ZNF385C: variants seen among roughly 807,000 people sequenced by gnomAD.
ZNF385C encodes CTD-2132N18.2.
In ZNF385C, 28 loss-of-function variants were observed where a neutral mutation model predicts 35.4. That is an observed-to-expected ratio of 0.79 (90% CI 0.59 to 1.08). ZNF385C has a LOEUF of 1.08. ZNF385C is among the 50% of genes least tolerant of loss of function. The pLI is 0.00. For synonymous variants in ZNF385C, 248 were observed against 248.2 expected (o/e 1.00, Z 0.01); for missense variants, 605 against 595.6 (o/e 1.02, Z -0.16).
intron 2 of ZNF385C, among the ~76,000 whole-genome samples, chr17:42,054,807 C>T (rs1334053841): frequency 6.6e-6 from 1 of 152,082 alleles, no homozygotes; most frequent in Non-Finnish European, 1.5e-5. Context: ...ATCTCGAACT[C>T]CTGACCTCAA....
chr17:42,061,158 G>A (rs1342468385), intron 2 of ZNF385C: 1 of 149,172 alleles, frequency 6.7e-6, no homozygotes, highest in African/African-American at 2.5e-5. Flanking sequence ...CCCAAAAGCA[G>A]CTTACACCTA....
At chr17:42,045,433 T>G (rs1465608636) in intron 2 of ZNF385C, among the ~76,000 whole-genome samples, 1 of 152,264 alleles carries the variant, frequency 6.6e-6, no homozygotes, top group African/African-American at 2.4e-5. Context: ...GAATGTGAAC[T>G]GAGGCCCTGT....
At chr17:42,094,168 A>G (rs782636806) in intron 1 of ZNF385C, among the ~76,000 whole-genome samples, 1 of 152,044 alleles carries the variant, frequency 6.6e-6, no homozygotes, top group Admixed American at 6.6e-5. Flanking sequence ...TTTTTAGTAG[A>G]GACGGGGGTT....
intron 2 of ZNF385C, among the ~76,000 whole-genome samples, chr17:42,056,329 T>A (rs1362628207): frequency 6.6e-6 from 1 of 152,186 alleles, no homozygotes; most frequent in East Asian, 1.9e-4. Flanking sequence ...GTCCCGAGCA[T>A]TTGTGGAATC....
chr17:42,071,100 C>A lies in ZNF385C; in HGVS notation c.-2-8042G>T, dbSNP rs73986514. Among the ~76,000 whole-genome samples the A allele has an allele frequency of 8.0e-3, 1,225 of 152,310 alleles. 14 individuals are homozygous for A. The highest frequency in any genetic ancestry group is 0.027 in the African/African-American group (1,137 of 41,566). On this transcript the variant is annotated intron_variant, in intron 1 of 8. Coordinates refer to ENST00000692273, the MANE Select transcript of ZNF385C (RefSeq NM_001392013.1). ...AGGAGTCACCTGCGCCAGACCCCAG[C>A]ACATACACCCCTGCTTTGCCAGAAC...
At chr17:42,043,673 T>C (rs185124156) in intron 2 of ZNF385C, 1 of 266,084 alleles carries the variant, frequency 3.8e-6, no homozygotes, top group Admixed American at 5.4e-5. Context: ...AGCTGAGGGG[T>C]GGAGGGACTC....
Position 42,029,018 on chromosome 17 carries a change from A to G in ZNF385C, c.732T>C (p.Pro244=). Reference sequence around the variant, plus strand: ...CTGAGTGGGCTGGCTCCCTGCATGTAGGGTCTGGAGTTGGTGGTGGCTGGA... The same window carrying G: ...CTGAGTGGGCTGGCTCCCTGCATGTGGGGTCTGGAGTTGGTGGTGGCTGGA... ...PPLQPPPTPD[P]TCREPAHSEL... The change falls in exon 6 of 9, where the codon CCT becomes CCC. Residue 244 remains proline (P), a synonymous_variant. Transcript: ENST00000692273. 1 of 1,550,390 alleles carries G rather than the reference A, an allele frequency of 6.4e-7. No homozygotes were observed. The highest frequency in any genetic ancestry group is 1.2e-5 in the South Asian group (1 of 84,060).
intron 4 of ZNF385C, among the ~76,000 whole-genome samples, chr17:42,033,545 G>A (rs1182077209): frequency 1.3e-5 from 2 of 152,184 alleles, no homozygotes; most frequent in Admixed American, 6.5e-5. Context: ...GAGCCCAGGA[G>A]TTCGAGACCA....
chr17:42,088,211 G>T (rs2053829326), intron 1 of ZNF385C, among the ~76,000 whole-genome samples: 1 of 152,234 alleles, frequency 6.6e-6, no homozygotes, highest in African/African-American at 2.4e-5. Flanking sequence ...CTGGGAGGTT[G>T]GGACTGAGAT....
At chr17:42,029,194 C>T in intron 5 of ZNF385C, 121 bp from the exon 6 acceptor site, 1 of 1,198,964 alleles carries the variant, frequency 8.3e-7, no homozygotes, top group Non-Finnish European at 1.1e-6. Flanking sequence ...ATTCCAGGCC[C>T]CACTTTTCTA....
chr17:42,087,860 T>C (rs1555660226), intron 1 of ZNF385C, among the ~76,000 whole-genome samples: 7 of 152,332 alleles, frequency 4.6e-5, no homozygotes, highest in African/African-American at 1.7e-4. Flanking sequence ...ACCAATATAC[T>C]GTTACAGCCA....
intron 2 of ZNF385C, among the ~76,000 whole-genome samples, chr17:42,049,925 C>T (rs1387376131): frequency 6.6e-6 from 1 of 152,210 alleles, no homozygotes; most frequent in African/African-American, 2.4e-5. Context: ...TGGCTAGTGG[C>T]TATTGCATTG....
rs1397885822 is a variant in ZNF385C at position 42,026,725 on chromosome 17, G to A, written c.*172C>T. ...TGGAAGGCCTGCGAAAGGAGGGTGG[G>A]GACAGTCCTTGGAAGGCAGCTGCCC... On this transcript the variant is annotated 3_prime_UTR_variant, in exon 9 of 9. Transcript: ENST00000692273. 1 of 695,924 alleles carries A rather than the reference G, an allele frequency of 1.4e-6. No homozygotes were observed. Among genetic ancestry groups the A allele is most frequent in the Non-Finnish European group, 2.5e-6 (1 of 392,260 alleles). 43.1% of individuals were successfully genotyped at this position (695,924 alleles called of 1,614,324 possible).
intron 1 of ZNF385C, among the ~76,000 whole-genome samples, chr17:42,094,040 A>G (rs1331959885): frequency 2.0e-5 from 3 of 151,246 alleles, no homozygotes; most frequent in Non-Finnish European, 2.9e-5. Context: ...CTGGAGTGCA[A>G]TGGCGCAATC....
chr17:42,049,075 C>G lies in ZNF385C; in HGVS notation c.251-11190G>C, dbSNP rs371419684. Among the ~76,000 whole-genome samples the G allele has an allele frequency of 2.0e-4, 30 of 152,312 alleles. No homozygotes were observed. The East Asian group carries it at 4.6e-3, about 24-fold the overall frequency. On this transcript the variant is annotated intron_variant, in intron 2 of 8. Transcript: ENST00000692273. ...ACCTCTCTGGTGGCCACTTGTGTCT[C>G]CCTTCCTTCCTAGTAACACCACCCT...
chr17:42,096,478 C>T (rs2053919050), intron 1 of ZNF385C, among the ~76,000 whole-genome samples: 1 of 152,216 alleles, frequency 6.6e-6, no homozygotes, highest in Non-Finnish European at 1.5e-5. Flanking sequence ...ATGGGCACTC[C>T]CTCCCTTGCC....
chr17:42,039,432 A>T, intron 2 of ZNF385C: 2 of 343,332 alleles, frequency 5.8e-6, no homozygotes. Context: ...GCTACTCCTC[A>T]TCTAACTGTG....
Position 42,025,729 on chromosome 17 carries a change from TC to T in ZNF385C, c.*1167del, listed in dbSNP as rs1260124153. On this transcript the variant is annotated 3_prime_UTR_variant, in exon 9 of 9. Transcript: ENST00000692273. ...AAGATACAGGGGGATACTGGCAGGG[TC>T]CCATATTGTGGGGTGGGGAGGGGGC... 2.0e-5 allele frequency: 3 copies of T among 152,314 alleles called. No homozygotes were observed. Among genetic ancestry groups the T allele is most frequent in the Non-Finnish European group, 2.9e-5 (2 of 68,000 alleles). 9.4% of individuals were successfully genotyped at this position (152,314 alleles called of 1,614,324 possible).
At chr17:42,075,184 G>T (rs1555659149) in intron 1 of ZNF385C, among the ~76,000 whole-genome samples, 1 of 152,072 alleles carries the variant, frequency 6.6e-6, no homozygotes, top group African/African-American at 2.4e-5. Context: ...CCCTGACATG[G>T]TCACCTCCTC....
Sources: gnomAD v4.1 joint callset for allele counts (sites outside exome capture counted in the v4.1 genomes callset) on GRCh38, gnomAD v4.1.1 for gene constraint, MANE v1.5 for transcripts, NCBI Gene and HGNC (gene_info 2026-07-23, HGNC 2026-07-21) for gene names.